Variants in ABCC11 observed in about 807,000 individuals in gnomAD.
The protein encoded by ABCC11 is ATP binding cassette subfamily C member 11.
A neutral mutation model predicts 149.3 loss-of-function variants in ABCC11; 135 were observed. That is an observed-to-expected ratio of 0.90 (90% CI 0.79 to 1.04). The LOEUF (loss-of-function observed/expected upper bound fraction) is 1.04, where lower values mean the gene tolerates loss of function less well. Among genes scored for constraint, ABCC11 ranks in the 50% least tolerant of loss-of-function variants. The probability of loss-of-function intolerance (pLI) is 0.00; values close to 1 mark genes in which losing one functional copy is unlikely to be tolerated. For synonymous variants in ABCC11, 665 were observed against 671.4 expected, an observed-to-expected ratio of 0.99 and a Z score of 0.15; for missense variants, 1,680 against 1,722.1, an observed-to-expected ratio of 0.98 and a Z score of 0.43.
At chr16:48,237,907 C>T (rs8054444) in intron 1 of ABCC11, among the ~76,000 whole-genome samples, 19,706 of 152,176 alleles carry the variant, frequency 0.13, 1,573 homozygotes, top group African/African-American at 0.23. Flanking sequence ...GTTCAAATGT[C>T]GTCTTTTCAG....
chr16:48,203,287 G>T lies in ABCC11; in HGVS notation c.1819C>A (p.Leu607Ile). The T allele has an allele frequency of 6.3e-7, 1 of 1,579,688 alleles. No individual in the cohort carries two copies. Among genetic ancestry groups the T allele is most frequent in the Non-Finnish European group, 8.6e-7 (1 of 1,161,956 alleles). Residue 607 changes from leucine to isoleucine, a missense_variant, in exon 14 of 30, where the codon CTC (leucine) becomes ATC (isoleucine). Transcript: ENST00000356608. Reference sequence around the variant, plus strand: ...TCCCGATTCAGGGAGCAGCAGTGGAGCACCTGGAGGTATCTGTGAAGGACA... The same window carrying T: ...TCCCGATTCAGGGAGCAGCAGTGGATCACCTGGAGGTATCTGTGAAGGACA... ...AYDKARYLQVLHCCSLNRDLE... is the reference protein window; with the variant it reads ...AYDKARYLQVIHCCSLNRDLE...
In ABCC11 at chr16:48,211,198, T is replaced by G; in HGVS notation, c.1358A>C (p.Lys453Thr). 5.6e-6 allele frequency: 9 copies of G among 1,613,496 alleles called. No individual in the cohort carries two copies. Among genetic ancestry groups the G allele is most frequent in the Non-Finnish European group, 7.6e-6 (9 of 1,179,794 alleles). ...NSKSAVMRFK[K>T]FFLQESPVFY... ...AACAGGGCTCTCCTGGAGGAAAAACTTCTGTAAAGACAGAAAAAAATAGAG... is the reference window on the plus strand; with the variant it reads ...AACAGGGCTCTCCTGGAGGAAAAACGTCTGTAAAGACAGAAAAAAATAGAG... The change falls in exon 11 of 30, where the codon AAG (lysine) becomes ACG (threonine). Residue 453 changes from lysine to threonine, a missense_variant and splice_region_variant. By Grantham distance (78) the Lys-to-Thr change is moderately conservative. Coordinates refer to ENST00000356608, the MANE Select transcript of ABCC11 (RefSeq NM_001370497.1).
In ABCC11 at chr16:48,203,993, T is replaced by C. The variant is rs1567517038; in HGVS notation, c.1806-693A>G. Among the ~76,000 whole-genome samples, 4 of 152,354 alleles carry C rather than the reference T, an allele frequency of 2.6e-5. 1 individual carries two copies. In the Middle Eastern group the frequency reaches 0.01, roughly 389 times the overall value. The stretch of plus-strand genomic sequence containing the variant: ...TTATTGTTTTAATGGCATTTTAGTA[T>C]TCCATTATATGGTTGCACCATAAAT... On this transcript the variant is annotated intron_variant, in intron 13 of 29. Transcript: ENST00000356608.
rs1228775161 is a variant in ABCC11, at chr16:48,216,286, GC to G, written c.778del (p.Ala260ProfsTer9). 4 of 1,612,326 alleles carry G rather than the reference GC, an allele frequency of 2.5e-6. No individual in the cohort carries two copies. The African/African-American group carries it at 5.3e-5, about 22-fold the overall frequency. On this transcript the variant is annotated frameshift_variant and splice_region_variant, in exon 7 of 30. Coordinates refer to ENST00000356608, the MANE Select transcript of ABCC11 (RefSeq NM_001370497.1). LOFTEE classifies it high-confidence loss of function. ...TACATCACCGGTGAAGAAGCTGATG[GC>G]CTGCAAGACAGCAAGTTGATGGGCA... The part of the protein sequence containing the change: ...KSVIHITSGE[A>X]ISFFTGDVNY...
chr16:48,244,210 G>T (rs558481899), intron 1 of ABCC11: 2 of 515,384 alleles, frequency 3.9e-6, no homozygotes, highest in Admixed American at 4.1e-5. Flanking sequence ...AAGTCTTACC[G>T]GGAGGCTCTC....
At chr16:48,167,703 C>CT (rs1348334872) in intron 28 of ABCC11, 43 bp from the exon 29 acceptor site, 1 of 1,606,554 alleles carries the variant, frequency 6.2e-7, no homozygotes, top group African/African-American at 1.3e-5. Context: ...ACTTCAGGCC[C>CT]TAGAGACCTG....
chr16:48,241,774 G>A (rs1970980380), intron 1 of ABCC11, among the ~76,000 whole-genome samples: 1 of 152,108 alleles, frequency 6.6e-6, no homozygotes, highest in South Asian at 2.1e-4. Context: ...TGACAAACCT[G>A]ACAAAAACAA....
chr16:48,212,269 C>A (rs1381438589), intron 10 of ABCC11, among the ~76,000 whole-genome samples: 4 of 152,174 alleles, frequency 2.6e-5, no homozygotes, highest in Admixed American at 1.3e-4. Flanking sequence ...TCGCAGGGGC[C>A]TTCCCTAACC....
Position 48,167,496 on chromosome 16 carries a change from C to T in ABCC11, c.4056G>A (p.Lys1352=), listed in dbSNP as rs776396273. 7 of 1,613,938 alleles carry T rather than the reference C, an allele frequency of 4.3e-6. No individual in the cohort carries two copies. The East Asian group carries it at 1.3e-4, about 31-fold the overall frequency. ...ACCAGCCCAAGGACGCAGCCTTCACCTTCCCATTGCCCATAACCAGGATGT... is the reference window on the plus strand; with the variant it reads ...ACCAGCCCAAGGACGCAGCCTTCACTTTCCCATTGCCCATAACCAGGATGT... ...CDHILVMGNG[K]VVEFDRPEVL... is the part of the protein sequence containing the mutation. Residue 1352 remains lysine, a splice_region_variant and synonymous_variant, in exon 29 of 30, where the codon AAG becomes AAA. Transcript: ENST00000356608.
intron 14 of ABCC11, among the ~76,000 whole-genome samples, chr16:48,202,660 T>C (rs1181158062): frequency 6.6e-6 from 1 of 151,420 alleles, no homozygotes; most frequent in East Asian, 1.9e-4. Context: ...ACTACCCTCC[T>C]GAGGTTATTG....
At position 48,210,959 on chromosome 16, in the gene ABCC11, C is replaced by A; in HGVS notation, c.1597G>T (p.Val533Leu). The change falls in exon 11 of 30, where the codon GTG becomes TTG. Residue 533 changes from valine to leucine, a missense_variant. Coordinates refer to ENST00000356608, the MANE Select transcript of ABCC11 (RefSeq NM_001370497.1). ...LGPELHKINL[V>L]VSKGMMLGVC... ...CTGAACAAGGCTACCTTGGACACCA[C>A]CAGGTTGATCTTGTGCAACTCTGGG... The A allele has an allele frequency of 1.2e-6, 2 of 1,614,176 alleles. No homozygotes were observed. The highest frequency in any genetic ancestry group is 1.1e-5 in the South Asian group (1 of 91,080).
intron 20 of ABCC11, among the ~76,000 whole-genome samples, chr16:48,191,566 C>A (rs183772738): frequency 1.1e-4 from 16 of 152,110 alleles, no homozygotes; most frequent in African/African-American, 3.6e-4. Context: ...TTTCTGTAAA[C>A]GAAAAGTGCT....
At chr16:48,241,842 A>G (rs1055416978) in intron 1 of ABCC11, among the ~76,000 whole-genome samples, 3 of 152,230 alleles carry the variant, frequency 2.0e-5, no homozygotes, top group Non-Finnish European at 4.4e-5. Flanking sequence ...GGCTAGCCAT[A>G]TGTAGAAAGC....
chr16:48,196,423 AG>A (rs1967421715), intron 17 of ABCC11, 102 bp from the exon 18 acceptor site: 2 of 1,096,774 alleles, frequency 1.8e-6, no homozygotes, highest in Non-Finnish European at 2.7e-6. Context: ...TTCACTTTCC[AG>A]CTTCAGTGCC....
chr16:48,210,947 C>T lies in ABCC11; in HGVS notation c.1608+1G>A. On this transcript the variant is annotated splice_donor_variant, in intron 11 of 29. Coordinates refer to ENST00000356608, the MANE Select transcript of ABCC11 (RefSeq NM_001370497.1). LOFTEE classifies it high-confidence loss of function. ...TGCCTGCGTGGCCTGAACAAGGCTA[C>T]CTTGGACACCACCAGGTTGATCTTG... 1 of 1,613,942 alleles carries T rather than the reference C, an allele frequency of 6.2e-7. No individual in the cohort carries two copies. Among genetic ancestry groups the T allele is most frequent in the Non-Finnish European group, 8.5e-7 (1 of 1,179,856 alleles).
At position 48,222,650 on chromosome 16, in the gene ABCC11, G is replaced by C; in HGVS notation, c.725C>G (p.Ala242Gly). Residue 242 changes from alanine to glycine, a missense_variant, in exon 6 of 30, where the codon GCC (alanine) becomes GGC (glycine). By Grantham distance (60) the Ala-to-Gly change is moderately conservative. Transcript: ENST00000356608. ...CTTAAATTGGATGAGCTTCTCAAAG[G>C]CAAAGGAGGAAACAGCTGCTCGGAA... ...IRFRAAVSSF[A>G]FEKLIQFKSV... The C allele has an allele frequency of 6.2e-7, 1 of 1,614,160 alleles. No homozygotes were observed. Among genetic ancestry groups the C allele is most frequent in the Non-Finnish European group, 8.5e-7 (1 of 1,180,038 alleles).
chr16:48,215,016 C>T lies in ABCC11; in HGVS notation c.1113G>A (p.Lys371=), dbSNP rs1260318536. ...FAKIIEDLRR[K]ERKLLEKCGL... The stretch of plus-strand genomic sequence containing the variant: ...CGCACTTCTCCAATAGTTTCCTTTC[C>T]TTCCTTCTTAGGTCTGGGAAATAAA... The change falls in exon 9 of 30, where the codon AAG becomes AAA. Residue 371 remains lysine, a synonymous_variant. Transcript: ENST00000356608. 13 of 1,613,926 alleles carry T rather than the reference C, an allele frequency of 8.1e-6. No individual in the cohort carries two copies. Among genetic ancestry groups the T allele is most frequent in the Non-Finnish European group, 1.1e-5 (13 of 1,179,942 alleles).
At chr16:48,213,672 G>A in intron 9 of ABCC11, 122 bp from the exon 10 acceptor site, 1 of 686,806 alleles carries the variant, frequency 1.5e-6, no homozygotes, top group Non-Finnish European at 2.3e-6. Flanking sequence ...ATCCAACAGA[G>A]GCTAAGCTAG....
intron 18 of ABCC11, among the ~76,000 whole-genome samples, chr16:48,195,240 T>C (rs1168370920): frequency 6.6e-6 from 1 of 152,234 alleles, no homozygotes; most frequent in East Asian, 1.9e-4. Context: ...GATGACTTTA[T>C]ACCCCTCCCC....
Sources: gnomAD v4.1 joint callset for allele counts (sites outside exome capture counted in the v4.1 genomes callset) on GRCh38, gnomAD v4.1.1 for gene constraint, MANE v1.5 for transcripts, NCBI Gene and HGNC (gene_info 2026-07-23, HGNC 2026-07-21) for gene names.